Variants in UBP1 observed in about 807,000 individuals in gnomAD.
UBP1 encodes upstream-binding protein 1.
UBP1 carries 22 observed loss-of-function variants against 76.1 expected under a neutral mutation model. The ratio of observed to expected loss-of-function variants is 0.29; its 90% confidence interval spans 0.21 to 0.41. UBP1 has a LOEUF of 0.41. Ranked by LOEUF, UBP1 falls within the 10% of genes least tolerant of loss-of-function variation. UBP1 has a pLI of 1.00. For synonymous variants in UBP1, 224 were observed against 237.1 expected (o/e 0.94, Z 0.51); for missense variants, 436 against 668.1 (o/e 0.65, Z 3.83).
Position 33,392,615 on chromosome 3 carries a change from C to T in UBP1, c.1534-1G>A, listed in dbSNP as rs1190900566. ...TCTCATCTTGAAAATTCTGAACCAT[C>T]TGGAAGGATAAAGTAAATGCGTAAG... On this transcript the variant is annotated splice_acceptor_variant, in intron 14 of 15. Transcript: ENST00000283629. LOFTEE classifies it high-confidence loss of function. 6.2e-7 allele frequency: 1 copy of T among 1,610,330 alleles called. No homozygotes were observed. Among genetic ancestry groups the T allele is most frequent in the Non-Finnish European group, 8.5e-7 (1 of 1,178,622 alleles).
chr3:33,404,167 C>G (rs2044350047), intron 8 of UBP1, among the ~76,000 whole-genome samples: 1 of 152,146 alleles, frequency 6.6e-6, no homozygotes, highest in Non-Finnish European at 1.5e-5. Flanking sequence ...AATCCCAGCA[C>G]TCTGGGAGGC....
chr3:33,412,898 T>C (rs759463722), intron 3 of UBP1, 71 bp from the exon 4 acceptor site: 19 of 988,478 alleles, frequency 1.9e-5, no homozygotes, highest in Non-Finnish European at 2.8e-5. Flanking sequence ...TTTCTACTTC[T>C]TATGTGTTAA....
chr3:33,400,044 T>C (rs1051708215), intron 11 of UBP1, 145 bp downstream of exon 11: 20 of 449,196 alleles, frequency 4.5e-5, no homozygotes, highest in African/African-American at 2.7e-4. Flanking sequence ...TATTGGGGGA[T>C]AGATATAAAG....
intron 1 of UBP1, among the ~76,000 whole-genome samples, chr3:33,432,350 T>C (rs2045128999): frequency 6.6e-6 from 1 of 152,174 alleles, no homozygotes; most frequent in South Asian, 2.1e-4. Context: ...TTGGCAAAGT[T>C]TTTTAATTTA....
chr3:33,408,669 A>G, intron 8 of UBP1, 21 bp downstream of exon 8: 1 of 1,597,260 alleles, frequency 6.3e-7, no homozygotes, highest in South Asian at 1.1e-5. Flanking sequence ...CACAATGAAA[A>G]GAGAAGCAGA....
chr3:33,400,804 C>T (rs958909738), intron 10 of UBP1, among the ~76,000 whole-genome samples, 158 bp downstream of exon 10: 1 of 152,166 alleles, frequency 6.6e-6, no homozygotes, highest in Admixed American at 6.5e-5. Flanking sequence ...ATGTACTCTA[C>T]TCAGGTGATG....
At chr3:33,422,104 T>C (rs1002707283) in intron 2 of UBP1, among the ~76,000 whole-genome samples, 4 of 152,302 alleles carry the variant, frequency 2.6e-5, no homozygotes, top group African/African-American at 2.4e-5. Flanking sequence ...GAGCTGAAGA[T>C]ACTTTGCTAG....
chr3:33,413,058 AG>A (rs1055699967), intron 3 of UBP1, among the ~76,000 whole-genome samples: 4 of 152,216 alleles, frequency 2.6e-5, no homozygotes, highest in African/African-American at 9.6e-5. Flanking sequence ...ATGGTAACTT[AG>A]GTATTGATTT....
chr3:33,404,615 C>G (rs2044366903), intron 8 of UBP1, among the ~76,000 whole-genome samples: 1 of 151,788 alleles, frequency 6.6e-6, no homozygotes, highest in Non-Finnish European at 1.5e-5. Context: ...CCACTGCACT[C>G]CAGCTTGGGT....
chr3:33,408,865 T>C, intron 7 of UBP1, 68 bp from the exon 8 acceptor site: 1 of 1,308,596 alleles, frequency 7.6e-7, no homozygotes, highest in Non-Finnish European at 1.1e-6. Flanking sequence ...ACACCCTGTT[T>C]CATGTCTCTT....
intron 5 of UBP1, among the ~76,000 whole-genome samples, chr3:33,410,720 T>C (rs1454922892): frequency 1.3e-5 from 2 of 152,188 alleles, no homozygotes; most frequent in Admixed American, 1.3e-4. Context: ...TTTTTAAAAC[T>C]CATCTCTTAG....
chr3:33,431,743 G>T (rs916944252), intron 1 of UBP1, among the ~76,000 whole-genome samples: 1 of 114,566 alleles, frequency 8.7e-6, no homozygotes, highest in Non-Finnish European at 2.0e-5. Flanking sequence ...CCGTCTCAAA[G>T]AAAAAAAAAA....
At chr3:33,428,573 C>G (rs1326941361) in intron 1 of UBP1, among the ~76,000 whole-genome samples, 1 of 152,006 alleles carries the variant, frequency 6.6e-6, no homozygotes, top group Admixed American at 6.6e-5. Flanking sequence ...ATGATCCACA[C>G]AGAAAATACT....
chr3:33,412,543 A>G (rs2044617020), intron 4 of UBP1, among the ~76,000 whole-genome samples, 179 bp downstream of exon 4: 1 of 151,366 alleles, frequency 6.6e-6, no homozygotes, highest in Non-Finnish European at 1.5e-5. Flanking sequence ...AGACTGTGCC[A>G]CTGCACTTAT....
chr3:33,439,342 G>A (rs1040373249), intron 1 of UBP1, among the ~76,000 whole-genome samples: 7 of 152,210 alleles, frequency 4.6e-5, no homozygotes, highest in African/African-American at 1.7e-4. Context: ...ATCCCAAAAC[G>A]CTAGACAGTA....
At chr3:33,437,185 A>T (rs2154060271) in intron 1 of UBP1, among the ~76,000 whole-genome samples, 1 of 151,858 alleles carries the variant, frequency 6.6e-6, no homozygotes, top group Middle Eastern at 3.4e-3. Context: ...GCCCCAATAT[A>T]TTCCCAATAT....
chr3:33,397,186 C>T (rs1174841938), intron 11 of UBP1, 51 bp from the exon 12 acceptor site: 1 of 1,416,010 alleles, frequency 7.1e-7, no homozygotes. Context: ...AAGAACAGAA[C>T]TGCTTTACAG....
At chr3:33,404,521 C>A (rs1393751898) in intron 8 of UBP1, among the ~76,000 whole-genome samples, 1 of 151,248 alleles carries the variant, frequency 6.6e-6, no homozygotes, top group Non-Finnish European at 1.5e-5. Flanking sequence ...GTGGAGCACA[C>A]CTGTAGTCAC....
At chr3:33,404,590 T>C (rs915105700) in intron 8 of UBP1, among the ~76,000 whole-genome samples, 2 of 151,804 alleles carry the variant, frequency 1.3e-5, no homozygotes, top group African/African-American at 4.8e-5. Flanking sequence ...GAGGCTGCAG[T>C]GAGCCATGAC....
Sources: allele counts gnomAD v4.1 joint callset (sites outside exome capture counted in the v4.1 genomes callset), GRCh38; gene constraint gnomAD v4.1.1; transcripts MANE v1.5; gene names NCBI Gene and HGNC (gene_info 2026-07-23, HGNC 2026-07-21).